Variants in SYNE2 observed in about 807,000 individuals in gnomAD.
The protein encoded by SYNE2 is spectrin repeat containing nuclear envelope protein 2.
A neutral mutation model predicts 856.3 loss-of-function variants in SYNE2; 431 were observed. The ratio of observed to expected loss-of-function variants is 0.50; its 90% CI spans 0.47 to 0.55. The LOEUF is 0.55. SYNE2 is among the 20% of genes least tolerant of loss of function. SYNE2 has a pLI of 0.00. For synonymous variants in SYNE2, 2,923 were observed against 2,872.3 expected (o/e 1.02, Z -0.56); for missense variants, 8,129 against 8,023.2 (o/e 1.01, Z -0.50).
intron 1 of SYNE2, among the ~76,000 whole-genome samples, chr14:63,830,477 A>G (rs1477435751): frequency 6.6e-6 from 1 of 151,986 alleles, no homozygotes. Context: ...TGGGCAACAT[A>G]GCAAGACCTT....
chr14:64,108,156 C>T (rs1178052327), intron 65 of SYNE2, among the ~76,000 whole-genome samples: 1 of 152,094 alleles, frequency 6.6e-6, no homozygotes, highest in Non-Finnish European at 1.5e-5. Flanking sequence ...TGAGACCAGC[C>T]TGACCAACAG....
chr14:64,148,276 C>G (rs1010810301), intron 84 of SYNE2, among the ~76,000 whole-genome samples: 2 of 152,182 alleles, frequency 1.3e-5, no homozygotes, highest in African/African-American at 4.8e-5. Flanking sequence ...GATCATGCCA[C>G]TGTAGTTCAG....
In SYNE2 at chr14:63,990,570, GTC is replaced by G. The variant is rs768588312; in HGVS notation, c.2472+7_2472+8del. ...TCAAGAAGCTAAAGAGAAAGTCCAG[GTC>G]TCTCTTTAATATTCCCTATTTAGTA... On this transcript the variant is annotated splice_donor_variant and splice_donor_region_variant and intron_variant, in intron 20 of 115. Transcript: ENST00000555002. LOFTEE classifies it high-confidence loss of function. The G allele has an allele frequency of 2.2e-5, 36 of 1,613,198 alleles. 1 individual carries two copies. Among genetic ancestry groups the G allele is most frequent in the East Asian group, 1.3e-4 (6 of 44,870 alleles).
Position 64,098,958 on chromosome 14 carries a change from G to A in SYNE2, c.12381+137G>A, listed in dbSNP as rs911681719. ...ATATTTTAAAAGTATGATTGAAGTA[G>A]TTCTCTTATGTTATTAATGTTTAAG... On this transcript the variant is annotated intron_variant, in intron 63 of 115. Transcript: ENST00000555002. 282 of 827,830 alleles carry A rather than the reference G, an allele frequency of 3.4e-4. 2 individuals carry two copies. Among genetic ancestry groups the A allele is most frequent in the Middle Eastern group, 1.1e-3 (4 of 3,614 alleles). 51.3% of individuals were successfully genotyped at this position (827,830 alleles called of 1,614,324 possible). A position where few individuals can be genotyped will look rare whatever the true frequency, so the allele number is the denominator to read the frequency against.
intron 98 of SYNE2, among the ~76,000 whole-genome samples, chr14:64,189,643 C>A (rs1181896548): frequency 2.0e-5 from 3 of 152,184 alleles, no homozygotes; most frequent in African/African-American, 7.2e-5. Flanking sequence ...ATGCGCGTTG[C>A]CTGACTTTTT....
intron 85 of SYNE2, among the ~76,000 whole-genome samples, chr14:64,153,459 T>C (rs1437629374): frequency 2.6e-5 from 4 of 152,220 alleles, no homozygotes; most frequent in Non-Finnish European, 4.4e-5. Context: ...AGAACCTTCA[T>C]TGTGGGTTGT....
intron 71 of SYNE2, 37 bp from the exon 72 acceptor site, chr14:64,126,290 A>G: frequency 6.3e-7 from 1 of 1,584,452 alleles, no homozygotes; most frequent in Non-Finnish European, 8.7e-7. Flanking sequence ...AGGCAAAGGT[A>G]TCTTAATTTT....
At chr14:64,219,182 T>C (rs920866962) in intron 109 of SYNE2, 26 bp from the exon 110 acceptor site, 3 of 1,612,312 alleles carry the variant, frequency 1.9e-6, no homozygotes, top group African/African-American at 2.7e-5. Flanking sequence ...TATTGCTTTT[T>C]TTAATTGGCG....
chr14:64,018,452 C>T (rs1007972757), intron 34 of SYNE2, among the ~76,000 whole-genome samples: 5 of 152,122 alleles, frequency 3.3e-5, no homozygotes, highest in Admixed American at 3.3e-4. Flanking sequence ...CTATGTTGGC[C>T]AGACTGGTCT....
chr14:64,188,473 T>G, intron 97 of SYNE2, 77 bp from the exon 98 acceptor site: 1 of 1,547,758 alleles, frequency 6.5e-7, no homozygotes, highest in Non-Finnish European at 8.9e-7. Flanking sequence ...TGAATGAAAC[T>G]CAGTTTTTTT....
rs561270329 is a variant in SYNE2, at chr14:63,924,287, C to T, written c.79+15060C>T. On this transcript the variant is annotated intron_variant, in intron 2 of 115. Coordinates refer to ENST00000555002, the MANE Select transcript of SYNE2 (RefSeq NM_182914.3). ...GTAGCTTTTAGTAAATTTTGAAATT[C>T]GAATTGTGTGTCTTCCAACTTAATT... Among the ~76,000 whole-genome samples, 681 of 114,690 alleles carry T rather than the reference C, an allele frequency of 5.9e-3. 18 individuals are homozygous for T. The highest frequency in any genetic ancestry group is 0.056 in the Admixed American group (601 of 10,812). The allele number at this position is 114,690 out of a possible 152,430, so 75.2% of individuals were successfully genotyped here.
At chr14:64,072,458 C>T (rs1413357018) in intron 52 of SYNE2, among the ~76,000 whole-genome samples, 1 of 151,970 alleles carries the variant, frequency 6.6e-6, no homozygotes, top group Non-Finnish European at 1.5e-5. Flanking sequence ...AGGACCTCTA[C>T]TTCAGATGCC....
At chr14:64,164,729 G>A (rs1405913633) in intron 89 of SYNE2, among the ~76,000 whole-genome samples, 3 of 152,142 alleles carry the variant, frequency 2.0e-5, no homozygotes, top group South Asian at 2.1e-4. Flanking sequence ...CTCCTCAGGC[G>A]GGTGATCTGT....
At chr14:63,929,378 T>C (rs1430909019) in intron 2 of SYNE2, among the ~76,000 whole-genome samples, 1 of 152,196 alleles carries the variant, frequency 6.6e-6, no homozygotes, top group Non-Finnish European at 1.5e-5. Context: ...ATAAGTAATA[T>C]AGTATCATTT....
At chr14:63,791,786 T>C (rs11845533) in intron 1 of SYNE2, among the ~76,000 whole-genome samples, 95,967 of 151,660 alleles carry the variant, frequency 0.63, 30,805 homozygotes, top group South Asian at 0.75. Context: ...TACTAAAAAA[T>C]ACAAAAAAAT....
intron 1 of SYNE2, among the ~76,000 whole-genome samples, chr14:63,854,608 G>A (rs964029820): frequency 6.6e-6 from 1 of 152,186 alleles, no homozygotes; most frequent in African/African-American, 2.4e-5. Flanking sequence ...GTAAAAAGTG[G>A]AAATGTTTAG....
At chr14:64,024,791 T>C in intron 39 of SYNE2, 121 bp from the exon 40 acceptor site, 1 of 1,057,006 alleles carries the variant, frequency 9.5e-7, no homozygotes, top group Non-Finnish European at 1.4e-6. Context: ...TTAAATTCTC[T>C]CTAAATTATA....
At chr14:63,940,885 C>A (rs573811449) in intron 3 of SYNE2, among the ~76,000 whole-genome samples, 1 of 152,214 alleles carries the variant, frequency 6.6e-6, no homozygotes, top group African/African-American at 2.4e-5. Flanking sequence ...AAAAAAGGGA[C>A]TTTTGTTGAG....
At chr14:63,941,673 T>C (rs1293855059) in intron 3 of SYNE2, 22 bp from the exon 4 acceptor site, 1 of 1,603,548 alleles carries the variant, frequency 6.2e-7, no homozygotes, top group South Asian at 1.1e-5. Context: ...TGAATGATTA[T>C]TTTTCTTGTG....
Sources: gnomAD v4.1 joint callset for allele counts (sites outside exome capture counted in the v4.1 genomes callset) on GRCh38, gnomAD v4.1.1 for gene constraint, MANE v1.5 for transcripts, NCBI Gene and HGNC (gene_info 2026-07-23, HGNC 2026-07-21) for gene names.